The following CHAF1A variants were observed in gnomAD, a reference collection of about 807,000 sequenced individuals.
CHAF1A encodes the protein chromatin assembly factor 1 subunit A.
A neutral mutation model predicts 93.2 loss-of-function variants in CHAF1A; 5 were observed. The ratio of observed to expected loss-of-function variants is 0.05; its 90% CI spans 0.03 to 0.11. The LOEUF (loss-of-function observed/expected upper bound fraction) is 0.11, where lower values mean the gene tolerates loss of function less well. Ranked by LOEUF, CHAF1A falls within the 10% of genes least tolerant of loss-of-function variation. The pLI is 1.00. For missense variants in CHAF1A, 1,102 were observed against 1,259.9 expected, an observed-to-expected ratio of 0.87 and a Z score of 1.90; for synonymous variants, 504 against 510.3, an observed-to-expected ratio of 0.99 and a Z score of 0.17.
chr19:4,412,782 G>A (rs2145080926), intron 3 of CHAF1A, among the ~76,000 whole-genome samples: 1 of 152,332 alleles, frequency 6.6e-6, no homozygotes, highest in Non-Finnish European at 1.5e-5. Context: ...GCACTTGAAG[G>A]CAATATTATC....
downstream of CHAF1A, chr19:4,445,423 C>T: frequency 6.3e-7 from 1 of 1,596,030 alleles, no homozygotes; most frequent in Non-Finnish European, 8.6e-7. Flanking sequence ...GGCTTGGAGG[C>T]CCTGGGGTGG....
chr19:4,442,727 G>A (rs1023573629), intron 14 of CHAF1A, among the ~76,000 whole-genome samples, 198 bp from the exon 15 acceptor site: 15 of 152,216 alleles, frequency 9.9e-5, no homozygotes, highest in Non-Finnish European at 1.3e-4. Context: ...TGGGGGGCAG[G>A]CAGGGTCAAC....
In CHAF1A at chr19:4,432,329, G is replaced by A; in HGVS notation, c.2203+122G>A. ...AATGTTCTTTCCACAAATAACAGAG[G>A]CCAGCCCTTTTCCTGTACATGTCCG... On this transcript the variant is annotated intron_variant, in intron 12 of 14. Coordinates refer to ENST00000301280, the MANE Select transcript of CHAF1A (RefSeq NM_005483.3). The A allele has an allele frequency of 1.7e-5, 20 of 1,179,466 alleles. No individual in the cohort carries two copies. In the South Asian group the frequency reaches 3.2e-4, roughly 19 times the overall value. 73.1% of individuals were successfully genotyped at this position (1,179,466 alleles called of 1,614,324 possible). A position where few individuals can be genotyped will look rare whatever the true frequency, so the allele number is the denominator to read the frequency against.
chr19:4,424,704 A>T (rs1215534760), intron 7 of CHAF1A, among the ~76,000 whole-genome samples: 2 of 152,146 alleles, frequency 1.3e-5, no homozygotes, highest in Non-Finnish European at 2.9e-5. Context: ...GTGCGATCTC[A>T]GCTCACTGCA....
rs759223582 is a variant in CHAF1A at position 4,433,499 on chromosome 19, G to A, written c.2633G>A (p.Cys878Tyr). Reference sequence around the variant, plus strand: ...AAGAGGAAGTCAGCGGGCAGCATGTGCATCACCCAATTCATGAAGAAGCGC... The same window carrying A: ...AAGAGGAAGTCAGCGGGCAGCATGTACATCACCCAATTCATGAAGAAGCGC... ...SLKRKSAGSM[C>Y]ITQFMKKRRH... Residue 878 changes from cysteine (C) to tyrosine (Y), a missense_variant, in exon 13 of 15, where the codon TGC (cysteine) becomes TAC (tyrosine). Cys to Tyr is a radical substitution (Grantham distance 194). Coordinates refer to ENST00000301280, the MANE Select transcript of CHAF1A (RefSeq NM_005483.3). The surrounding 1 kb of genome is among the most constrained non-coding windows in gnomAD (Gnocchi z 5.6). 1.3e-6 allele frequency: 2 copies of A among 1,590,294 alleles called. No homozygotes were observed. The highest frequency in any genetic ancestry group is 3.4e-5 in the Admixed American group (2 of 59,524).
chr19:4,429,586 G>C lies in CHAF1A; in HGVS notation c.1753G>C (p.Asp585His). Residue 585 changes from aspartate to histidine, a missense_variant, in exon 9 of 15, where the codon GAC becomes CAC. This residue lies in a region of CHAF1A where 335 missense variants were observed against 361.9 expected (regional missense o/e 0.93). Transcript: ENST00000301280. ...GAAGACGGCACTCATCCGCGCGCGA[G>C]ACCCCTGGGCCCAGGACACGGTGAG... ...NKKTALIRAR[D>H]PWAQDTKLLD... The C allele has an allele frequency of 6.2e-7, 1 of 1,614,136 alleles. No individual in the cohort carries two copies. Among genetic ancestry groups the C allele is most frequent in the Admixed American group, 1.7e-5 (1 of 59,992 alleles).
chr19:4,418,639 TCTC>T (rs1973936742), intron 4 of CHAF1A, among the ~76,000 whole-genome samples: 1 of 151,928 alleles, frequency 6.6e-6, no homozygotes, highest in African/African-American at 2.4e-5. Flanking sequence ...ATGGTCTCGA[TCTC>T]CTGACCTCGT....
chr19:4,429,405 G>A (rs763289987), intron 8 of CHAF1A, 33 bp from the exon 9 acceptor site: 1 of 1,608,956 alleles, frequency 6.2e-7, no homozygotes, highest in Non-Finnish European at 8.5e-7. Flanking sequence ...CTGTAAGGCA[G>A]CGTGATCCTG....
downstream of CHAF1A, among the ~76,000 whole-genome samples, chr19:4,443,921 C>G (rs554489470): frequency 2.0e-5 from 3 of 152,182 alleles, no homozygotes; most frequent in Non-Finnish European, 4.4e-5. Context: ...CAGCCACACC[C>G]CACCTGAAGT....
downstream of CHAF1A, chr19:4,448,737 G>A (rs1378726393): frequency 5.8e-6 from 2 of 346,772 alleles, no homozygotes; most frequent in Non-Finnish European, 1.1e-5. Flanking sequence ...CTCGACCTCA[G>A]TGCTGAGATC....
intron 13 of CHAF1A, among the ~76,000 whole-genome samples, chr19:4,441,516 G>T (rs561472354): frequency 7.4e-4 from 112 of 152,192 alleles, no homozygotes; most frequent in Middle Eastern, 3.4e-3. Context: ...GCTGAAGAAC[G>T]AGAATCGCTT....
downstream of CHAF1A, chr19:4,447,968 G>A (rs1974573103): frequency 2.0e-6 from 1 of 501,604 alleles, no homozygotes; most frequent in Non-Finnish European, 3.6e-6. Flanking sequence ...GCTCCTGCGG[G>A]GTGCTCCCTC....
intron 4 of CHAF1A, among the ~76,000 whole-genome samples, chr19:4,421,772 C>T (rs1973994265): frequency 6.6e-6 from 1 of 152,136 alleles, no homozygotes. Flanking sequence ...TAGACTTTGT[C>T]TCAAGAAAAA....
downstream of CHAF1A, chr19:4,448,552 A>G: frequency 1.4e-6 from 1 of 725,052 alleles, no homozygotes; most frequent in South Asian, 1.7e-5. Flanking sequence ...TCATCACAGA[A>G]AGGAAAAGAG....
At chr19:4,446,320 C>T, downstream of CHAF1A, 2 of 1,574,394 alleles carry the variant, frequency 1.3e-6, no homozygotes, top group Non-Finnish European at 1.7e-6. Flanking sequence ...GCACGCGCAG[C>T]AGCGTGTAGT....
At chr19:4,411,989 ACT>A (rs1160773760) in intron 3 of CHAF1A, among the ~76,000 whole-genome samples, 1 of 151,358 alleles carries the variant, frequency 6.6e-6, no homozygotes, top group Admixed American at 6.6e-5. Flanking sequence ...ATATAGGTAA[ACT>A]CTTGTCGTGG....
At chr19:4,421,869 C>A (rs954032525) in intron 4 of CHAF1A, among the ~76,000 whole-genome samples, 4 of 132,760 alleles carry the variant, frequency 3.0e-5, no homozygotes. Context: ...ATTTTTTTAA[C>A]TGAGTCTCAG....
downstream of CHAF1A, chr19:4,447,752 A>G (rs534393347): frequency 1.5e-5 from 14 of 919,998 alleles, no homozygotes; most frequent in Non-Finnish European, 2.3e-5. Flanking sequence ...GAAGCGGCCC[A>G]GTGACGCGAG....
intron 3 of CHAF1A, among the ~76,000 whole-genome samples, chr19:4,410,813 C>T (rs1045578674): frequency 7.2e-5 from 11 of 152,144 alleles, no homozygotes; most frequent in Non-Finnish European, 1.2e-4. Flanking sequence ...ATCACACTGC[C>T]GCGCTCCAGC....
Sources: gnomAD v4.1 joint callset for allele counts (sites outside exome capture counted in the v4.1 genomes callset) on GRCh38, gnomAD v4.1.1 for gene constraint, gnomAD v4.1.1 regional missense constraint, Gnocchi (gnomAD v3.1) non-coding constraint, MANE v1.5 for transcripts, NCBI Gene and HGNC (gene_info 2026-07-23, HGNC 2026-07-21) for gene names.